Variants in ART3 observed in about 807,000 individuals in gnomAD.
The protein encoded by ART3 is ecto-ADP-ribosyltransferase 3.
A neutral mutation model predicts 48.5 loss-of-function variants in ART3; 49 were observed. The observed-to-expected ratio is 1.01, with a 90% CI of 0.80 to 1.28. The LOEUF is 1.28. Ranked by LOEUF, ART3 falls within the 50% of genes most tolerant of loss-of-function variation. ART3 has a pLI of 0.00. For synonymous variants in ART3, 145 were observed against 157.2 expected (o/e 0.92, Z 0.58); for missense variants, 438 against 454.3 (o/e 0.96, Z 0.33).
intron 10 of ART3, among the ~76,000 whole-genome samples, chr4:76,105,053 G>A (rs918684307): frequency 1.3e-5 from 2 of 152,158 alleles, no homozygotes; most frequent in Non-Finnish European, 2.9e-5. Flanking sequence ...AGAGAACATA[G>A]GCTCAGAGAA....
intron 1 of ART3, among the ~76,000 whole-genome samples, chr4:76,042,954 A>C (rs1165707094): frequency 6.6e-6 from 1 of 151,810 alleles, no homozygotes. Context: ...TGGTGCGTTT[A>C]CAATCCCTGA....
intron 5 of ART3, among the ~76,000 whole-genome samples, 191 bp from the exon 6 acceptor site, chr4:76,100,098 GAA>G (rs1324024024): frequency 6.6e-6 from 1 of 152,194 alleles, no homozygotes; most frequent in African/African-American, 2.4e-5. Flanking sequence ...TAGGGGCAGA[GAA>G]TGTTCCAGCT....
rs14773 is a variant in ART3, at chr4:76,112,572, C to A, written c.*53C>A. The A allele has an allele frequency of 0.28, 425,091 of 1,525,740 alleles. 65,646 individuals are homozygous for A. The highest frequency in any genetic ancestry group is 0.56 in the East Asian group (24,058 of 43,042). 94.5% of individuals were successfully genotyped at this position (1,525,740 alleles called of 1,614,324 possible). A position where few individuals can be genotyped will look rare whatever the true frequency, so the allele number is the denominator to read the frequency against. Reference sequence around the variant, plus strand: ...CTTTACTTGAAATAACTATAGGGATCCACAGGAGATCAAAAGGAATGATGT... The same window carrying A: ...CTTTACTTGAAATAACTATAGGGATACACAGGAGATCAAAAGGAATGATGT... On this transcript the variant is annotated 3_prime_UTR_variant, in exon 12 of 12. Coordinates refer to ENST00000355810, the MANE Select transcript of ART3 (RefSeq NM_001130016.3).
At chr4:76,097,362 GC>G (rs1192998707) in intron 3 of ART3, among the ~76,000 whole-genome samples, 1 of 151,704 alleles carries the variant, frequency 6.6e-6, no homozygotes, top group Non-Finnish European at 1.5e-5. Flanking sequence ...GTGCCACCAT[GC>G]CTGGCTAATT....
At chr4:76,083,392 C>T (rs1318942899) in intron 3 of ART3, among the ~76,000 whole-genome samples, 1 of 152,136 alleles carries the variant, frequency 6.6e-6, no homozygotes, top group Non-Finnish European at 1.5e-5. Context: ...CTTCCTACTA[C>T]AGAGAATGAG....
At chr4:76,017,144 A>G (rs1389034427) in intron 1 of ART3, among the ~76,000 whole-genome samples, 1 of 151,958 alleles carries the variant, frequency 6.6e-6, no homozygotes, top group Non-Finnish European at 1.5e-5. Flanking sequence ...AGCAGAAGGA[A>G]TCTCTCACTA....
rs187373528 is a variant in ART3, at chr4:76,013,735, T to A, written c.-10+2415T>A. ...TATCTTCTGTAACATTTTGACAGAT[T>A]GCTTGCCAGAAAGATTGGGCTATCA... On this transcript the variant is annotated intron_variant, in intron 1 of 9. Coordinates refer to the ART3 transcript ENST00000341029. Among the ~76,000 whole-genome samples, 3 of 152,358 alleles carry A rather than the reference T, an allele frequency of 2.0e-5. No homozygotes were observed. The East Asian group carries it at 5.8e-4, about 29-fold the overall frequency.
At chr4:76,091,098 C>T (rs1724785792) in intron 3 of ART3, among the ~76,000 whole-genome samples, 1 of 152,170 alleles carries the variant, frequency 6.6e-6, no homozygotes, top group Non-Finnish European at 1.5e-5. Flanking sequence ...TTTATTTATG[C>T]TGTTGTAGAA....
At chr4:76,012,021 T>C (rs1348883901) in intron 1 of ART3, 1 of 152,244 alleles carries the variant, frequency 6.6e-6, no homozygotes, top group Admixed American at 6.5e-5. Context: ...AATCAACAGT[T>C]ACCAATTCCT....
At chr4:76,095,673 G>C (rs1217189843) in intron 3 of ART3, among the ~76,000 whole-genome samples, 4 of 152,156 alleles carry the variant, frequency 2.6e-5, no homozygotes, top group African/African-American at 9.7e-5. Context: ...TATGGTCCTG[G>C]AATTTGCCTT....
intron 1 of ART3, among the ~76,000 whole-genome samples, chr4:76,056,131 C>T (rs944681247): frequency 1.3e-5 from 2 of 152,202 alleles, no homozygotes; most frequent in Non-Finnish European, 2.9e-5. Context: ...TCAGTGCCAT[C>T]CCTCTACCCC....
At chr4:76,018,447 A>G (rs760342718) in intron 1 of ART3, among the ~76,000 whole-genome samples, 1 of 152,186 alleles carries the variant, frequency 6.6e-6, no homozygotes, top group East Asian at 1.9e-4. Flanking sequence ...CAGTGGGGGT[A>G]GGGAGGAAGA....
intron 3 of ART3, among the ~76,000 whole-genome samples, chr4:76,082,741 A>G (rs1376531661): frequency 6.6e-6 from 1 of 152,154 alleles, no homozygotes; most frequent in Non-Finnish European, 1.5e-5. Context: ...AAAAATTAGC[A>G]CTATAAGGCA....
At chr4:76,047,189 TAAC>T (rs1033081770) in intron 1 of ART3, among the ~76,000 whole-genome samples, 5 of 151,996 alleles carry the variant, frequency 3.3e-5, no homozygotes, top group Non-Finnish European at 7.4e-5. Flanking sequence ...ACCACACTGA[TAAC>T]AAGCCCTACC....
chr4:76,045,196 G>T (rs1444953455), intron 1 of ART3, among the ~76,000 whole-genome samples: 4 of 152,080 alleles, frequency 2.6e-5, no homozygotes, highest in African/African-American at 9.6e-5. Context: ...GTCAGGATTA[G>T]TTAAGGGGAC....
intron 3 of ART3, among the ~76,000 whole-genome samples, chr4:76,095,375 G>A (rs1173169933): frequency 1.3e-5 from 2 of 152,256 alleles, no homozygotes; most frequent in African/African-American, 2.4e-5. Context: ...GGATGTGGTG[G>A]TGGGTGCCTG....
intron 10 of ART3, among the ~76,000 whole-genome samples, chr4:76,106,887 C>T (rs1318660547): frequency 3.3e-5 from 5 of 152,274 alleles, no homozygotes; most frequent in East Asian, 3.9e-4. Flanking sequence ...TCCAAGATGA[C>T]GGTGCTCCTG....
chr4:76,098,995 T>C lies in ART3; in HGVS notation c.847+8T>C. 6.2e-7 allele frequency: 1 copy of C among 1,606,984 alleles called. No homozygotes were observed. The highest frequency in any genetic ancestry group is 8.5e-7 in the Non-Finnish European group (1 of 1,173,630). ...TCTATGTCTACAACCCTGGTGAGTA[T>C]GTTCTAATTTTTAAAAATAATCTTG... On this transcript the variant is annotated splice_region_variant and intron_variant, in intron 5 of 11. Coordinates refer to ENST00000355810, the MANE Select transcript of ART3 (RefSeq NM_001130016.3).
chr4:76,100,663 A>C, intron 6 of ART3, 132 bp from the exon 7 acceptor site: 1 of 1,072,784 alleles, frequency 9.3e-7, no homozygotes, highest in Non-Finnish European at 1.4e-6. Flanking sequence ...GGGGGCTTGC[A>C]TTTTGCAAGA....
Sources: allele counts gnomAD v4.1 joint callset (sites outside exome capture counted in the v4.1 genomes callset), GRCh38; gene constraint gnomAD v4.1.1; transcripts MANE v1.5; gene names NCBI Gene and HGNC (gene_info 2026-07-23, HGNC 2026-07-21).